Variants in SLC24A2 observed in about 807,000 individuals in gnomAD.
SLC24A2 encodes sodium/potassium/calcium exchanger 2.
A neutral mutation model predicts 62.0 loss-of-function variants in SLC24A2; 36 were observed. The ratio of observed to expected loss-of-function variants is 0.58; its 90% CI spans 0.44 to 0.77. SLC24A2 has a LOEUF of 0.77. SLC24A2 is among the 30% of genes least tolerant of loss of function. SLC24A2 has a pLI of 0.00. For synonymous variants in SLC24A2, 358 were observed against 294.0 expected (o/e 1.22, Z -2.23); for missense variants, 846 against 817.9 (o/e 1.03, Z -0.42).
chr9:19,947,809 AAAG>A, the SLC24A2 span, among the ~76,000 whole-genome samples: 42 of 83,762 alleles, frequency 5.0e-4, no homozygotes, highest in African/African-American at 1.5e-3. Flanking sequence ...AAAAAAAAAA[AAAG>A]AAAGAAAGAA....
At chr9:19,733,768 C>T (rs1821411137) in intron 2 of SLC24A2, among the ~76,000 whole-genome samples, 1 of 152,162 alleles carries the variant, frequency 6.6e-6, no homozygotes, top group Non-Finnish European at 1.5e-5. Context: ...TGTTGGGCAC[C>T]TCTGACCTAC....
intron 8 of SLC24A2, among the ~76,000 whole-genome samples, chr9:19,541,007 A>AGGCTTCTGC (rs1405473369): frequency 9.2e-6 from 1 of 108,256 alleles, no homozygotes; most frequent in East Asian, 2.6e-4. Context: ...TCGGCTCCTG[A>AGGCTTCTGC]GGCTTCTGCA....
chr9:20,084,742 C>T, the SLC24A2 span, among the ~76,000 whole-genome samples: 1 of 152,138 alleles, frequency 6.6e-6, no homozygotes, highest in African/African-American at 2.4e-5. Context: ...GTTTCTACAC[C>T]TTCAGCTTCT....
chr9:20,088,314 C>A, the SLC24A2 span, among the ~76,000 whole-genome samples: 2 of 152,214 alleles, frequency 1.3e-5, no homozygotes, highest in Non-Finnish European at 2.9e-5. Context: ...GAGGGAGGGG[C>A]AGGCTGCCGG....
the SLC24A2 span, among the ~76,000 whole-genome samples, chr9:19,886,687 C>T: frequency 2.6e-5 from 4 of 152,192 alleles, no homozygotes; most frequent in African/African-American, 9.6e-5. Flanking sequence ...TTTGACCCAG[C>T]AATCCCATTA....
the SLC24A2 span, among the ~76,000 whole-genome samples, chr9:20,188,444 A>G: frequency 6.6e-6 from 1 of 152,338 alleles, no homozygotes; most frequent in Non-Finnish European, 1.5e-5. Context: ...AGCAAATGAG[A>G]GCAAGAGTAG....
chr9:19,999,469 G>C, the SLC24A2 span, among the ~76,000 whole-genome samples: 2 of 152,236 alleles, frequency 1.3e-5, no homozygotes, highest in Admixed American at 6.5e-5. Context: ...GGTAGGAATT[G>C]CTTGATGTAT....
At chr9:19,626,138 T>C (rs1248791152) in intron 2 of SLC24A2, among the ~76,000 whole-genome samples, 1 of 152,210 alleles carries the variant, frequency 6.6e-6, no homozygotes, top group Non-Finnish European at 1.5e-5. Flanking sequence ...TAAATCTTCT[T>C]TCTTCCTTTG....
At chr9:20,002,729 G>A in the SLC24A2 span, among the ~76,000 whole-genome samples, 1 of 152,198 alleles carries the variant, frequency 6.6e-6, no homozygotes, top group African/African-American at 2.4e-5. Context: ...TTTCTGGTTT[G>A]TCTTCTTCCA....
chr9:19,534,730 T>C (rs957712748), intron 8 of SLC24A2, among the ~76,000 whole-genome samples: 5 of 152,232 alleles, frequency 3.3e-5, no homozygotes, highest in African/African-American at 7.2e-5. Flanking sequence ...GGTGTATATG[T>C]GGCACATTTT....
chr9:19,640,854 C>A (rs1818474774), intron 2 of SLC24A2, among the ~76,000 whole-genome samples: 1 of 152,130 alleles, frequency 6.6e-6, no homozygotes, highest in South Asian at 2.1e-4. Flanking sequence ...ATTTTGGGTA[C>A]CCCCTTAAAT....
chr9:20,239,759 G>C, the SLC24A2 span, among the ~76,000 whole-genome samples: 2 of 152,216 alleles, frequency 1.3e-5, no homozygotes, highest in African/African-American at 4.8e-5. Flanking sequence ...ATATTTGTGA[G>C]AAAACTATCC....
At chr9:20,239,554 C>T in the SLC24A2 span, among the ~76,000 whole-genome samples, 1 of 152,106 alleles carries the variant, frequency 6.6e-6, no homozygotes, top group Non-Finnish European at 1.5e-5. Flanking sequence ...AGGCTTGAGG[C>T]CTAGGAAAAG....
chr9:19,643,457 G>A (rs1458763226), intron 2 of SLC24A2, among the ~76,000 whole-genome samples: 2 of 152,156 alleles, frequency 1.3e-5, no homozygotes, highest in Non-Finnish European at 2.9e-5. Flanking sequence ...TACCTAAAAT[G>A]GCAGCAAATT....
chr9:20,056,611 A>G, the SLC24A2 span, among the ~76,000 whole-genome samples: 2 of 152,206 alleles, frequency 1.3e-5, no homozygotes, highest in Admixed American at 6.5e-5. Context: ...ACCTGTGTGA[A>G]TTCCCTGTTG....
chr9:20,231,813 C>T, the SLC24A2 span, among the ~76,000 whole-genome samples: 2 of 151,998 alleles, frequency 1.3e-5, no homozygotes, highest in African/African-American at 2.4e-5. Flanking sequence ...GTCTTGTGCC[C>T]GTTTTCATAG....
intron 2 of SLC24A2, among the ~76,000 whole-genome samples, chr9:19,729,457 G>A (rs1053324203): frequency 1.3e-5 from 2 of 152,152 alleles, no homozygotes; most frequent in African/African-American, 4.8e-5. Context: ...ATGAAGATAT[G>A]CACTAAACCT....
At chr9:20,092,419 T>C in the SLC24A2 span, among the ~76,000 whole-genome samples, 1 of 152,036 alleles carries the variant, frequency 6.6e-6, no homozygotes, top group Non-Finnish European at 1.5e-5. Flanking sequence ...TAAACTTTCT[T>C]AAAACCTTAT....
the SLC24A2 span, among the ~76,000 whole-genome samples, chr9:20,002,942 C>T: frequency 1.3e-5 from 2 of 152,160 alleles, no homozygotes; most frequent in Admixed American, 6.6e-5. Context: ...ACAAATGGCC[C>T]CGTGTTTAGA....
Sources: gnomAD v4.1 joint callset for allele counts (sites outside exome capture counted in the v4.1 genomes callset) on GRCh38, gnomAD v4.1.1 for gene constraint, MANE v1.5 for transcripts, NCBI Gene and HGNC (gene_info 2026-07-23, HGNC 2026-07-21) for gene names.